CILP: variants seen among roughly 807,000 people sequenced by gnomAD.
The protein encoded by CILP is cartilage intermediate layer protein, also known as cartilage intermediate layer protein 1.
In CILP, 75 loss-of-function variants were observed where a neutral mutation model predicts 82.5. The observed-to-expected ratio is 0.91, with a 90% CI of 0.75 to 1.10. The LOEUF (loss-of-function observed/expected upper bound fraction) is 1.10. CILP is among the 50% of genes least tolerant of loss of function. The pLI is 0.00. For missense variants in CILP, 1,479 were observed against 1,530.8 expected, an observed-to-expected ratio of 0.97 and a Z score of 0.56; for synonymous variants, 530 against 580.3, an observed-to-expected ratio of 0.91 and a Z score of 1.25.
intron 3 of CILP, 56 bp from the exon 4 acceptor site, chr15:65,207,107 C>G (rs532841530): frequency 1.9e-6 from 3 of 1,565,838 alleles, no homozygotes. Context: ...CTCCAGTTCT[C>G]CTTTCCCTCT....
chr15:65,206,746 G>A (rs1361281417), intron 4 of CILP, 36 bp downstream of exon 4: 1 of 1,579,710 alleles, frequency 6.3e-7, no homozygotes, highest in East Asian at 2.3e-5. Context: ...AGGCCAGTGG[G>A]AAGTAGCGGG....
chr15:65,210,289 G>A (rs1260550445), intron 1 of CILP, among the ~76,000 whole-genome samples: 5 of 152,152 alleles, frequency 3.3e-5, no homozygotes, highest in Non-Finnish European at 5.9e-5. Flanking sequence ...ACTTGGCTCC[G>A]ACTCCAGTGG....
At position 65,198,787 on chromosome 15, in the gene CILP, T is replaced by A. The variant is rs187578293; in HGVS notation, c.1499A>T (p.Asp500Val). 6.2e-6 allele frequency: 10 copies of A among 1,614,210 alleles called. No individual in the cohort carries two copies. In the East Asian group the frequency reaches 1.6e-4, roughly 25 times the overall value. The change falls in exon 9 of 9, where the codon GAC becomes GTC. Residue 500 changes from aspartate to valine, a missense_variant. Coordinates refer to ENST00000261883, the MANE Select transcript of CILP (RefSeq NM_003613.4). The stretch of plus-strand genomic sequence containing the variant: ...GCCAAAGCGCATGGGCTCCCCATTG[T>A]CAGCAGCACTGACACGGCCCCGCAC... ...SIVRGRVSAA[D>V]NGEPMRFGHV...
intron 8 of CILP, among the ~76,000 whole-genome samples, chr15:65,199,593 T>C (rs772718896): frequency 6.6e-6 from 1 of 152,116 alleles, no homozygotes; most frequent in Non-Finnish European, 1.5e-5. Context: ...GAGGCCAAGG[T>C]GGGTGGGTTG....
At chr15:65,202,080 T>C in intron 7 of CILP, 51 bp from the exon 8 acceptor site, 1 of 1,439,112 alleles carries the variant, frequency 6.9e-7, no homozygotes. Flanking sequence ...AGGGCAGGTA[T>C]TCCTAGAAAA....
chr15:65,198,059 T>A lies in CILP; in HGVS notation c.2227A>T (p.Asn743Tyr), dbSNP rs768154426. The change falls in exon 9 of 9, where the codon AAC becomes TAC. Residue 743 changes from asparagine to tyrosine, a missense_variant. By Grantham distance (143) the Asn-to-Tyr change is moderately radical. Transcript: ENST00000261883. ...CGCCTGCTTTCAGGAACATCCAGGT[T>A]AAAGAGCCTCCTCTCACGAATCTCC... ...NLEIRERRLF[N>Y]LDVPESRRCF... The A allele has an allele frequency of 3.1e-6, 5 of 1,614,246 alleles. No individual in the cohort carries two copies. The highest frequency in any genetic ancestry group is 4.2e-6 in the Non-Finnish European group (5 of 1,180,044).
chr15:65,196,491 CA>C lies in CILP; in HGVS notation c.*239del. ...TACAGTTGAAGCTGCAGAGTTTTAC[CA>C]GTGGCCAATTTCTTGTGTTTCATTT... On this transcript the variant is annotated 3_prime_UTR_variant, in exon 9 of 9. Coordinates refer to ENST00000261883, the MANE Select transcript of CILP (RefSeq NM_003613.4). The C allele has an allele frequency of 2.4e-6, 1 of 424,746 alleles. No homozygotes were observed. The highest frequency in any genetic ancestry group is 7.3e-5 in the South Asian group (1 of 13,706). The allele number at this position is 424,746 out of a possible 1,614,324, so 26.3% of individuals were successfully genotyped here.
chr15:65,202,568 C>T (rs2088470978), intron 7 of CILP, among the ~76,000 whole-genome samples: 1 of 151,710 alleles, frequency 6.6e-6, no homozygotes, highest in Non-Finnish European at 1.5e-5. Flanking sequence ...GCTGGGATTA[C>T]AGGCATGCAC....
rs762356614 is a variant in CILP at position 65,195,174 on chromosome 15, A to G, written c.*1557T>C. On this transcript the variant is annotated 3_prime_UTR_variant, in exon 9 of 9. Coordinates refer to ENST00000261883, the MANE Select transcript of CILP (RefSeq NM_003613.4). ...GAAATTTCTAATTGCTTACAAACCA[A>G]ATTCCCAGGAGCCGGGCAGATGGTG... is the stretch of plus-strand genomic sequence containing the variant. 2.0e-5 allele frequency: 3 copies of G among 152,176 alleles called. No individual in the cohort carries two copies. Among genetic ancestry groups the G allele is most frequent in the Non-Finnish European group, 4.4e-5 (3 of 68,072 alleles). The allele number at this position is 152,176 out of a possible 1,614,324, so 9.4% of individuals were successfully genotyped here. A position where few individuals can be genotyped will look rare whatever the true frequency, so the allele number is the denominator to read the frequency against.
rs144293643 is a variant in CILP at position 65,198,331 on chromosome 15, A to G, written c.1955T>C (p.Phe652Ser). The change falls in exon 9 of 9, where the codon TTC becomes TCC. Residue 652 changes from phenylalanine to serine, a missense_variant. Transcript: ENST00000261883. ...LNFINDEGDT[F>S]PLRTYGMFSV... The stretch of plus-strand genomic sequence containing the variant: ...GAACATGCCATACGTCCGAAGGGGG[A>G]AAGTGTCTCCTTCGTCATTGATGAA... 1.2e-5 allele frequency: 19 copies of G among 1,614,060 alleles called. No individual in the cohort carries two copies. The African/African-American group carries it at 2.1e-4, about 18-fold the overall frequency.
In CILP at chr15:65,197,483, T is replaced by C; in HGVS notation, c.2803A>G (p.Met935Val). The change falls in exon 9 of 9, where the codon ATG becomes GTG. Residue 935 changes from methionine to valine, a missense_variant. Transcript: ENST00000261883. ...NTVPFNEDDP[M>V]SWTEDYLAWW... The stretch of plus-strand genomic sequence containing the variant: ...GCCAGATAGTCTTCAGTCCAGCTCA[T>C]AGGGTCATCTTCGTTGAAGGGGACT... The C allele has an allele frequency of 6.2e-7, 1 of 1,614,246 alleles. No individual in the cohort carries two copies. The highest frequency in any genetic ancestry group is 2.2e-5 in the East Asian group (1 of 44,886).
rs193195655 is a variant in CILP at position 65,203,415 on chromosome 15, G to A, written c.975C>T (p.Ser325=). The change falls in exon 7 of 9, where the codon AGC becomes AGT. Residue 325 remains serine, a synonymous_variant. Transcript: ENST00000261883. The part of the protein sequence containing the change: ...PETKARRAGQ[S]VSLCCKATGK... ...CTGTGGCCTTACAGCACAGAGACACGCTCTGCCCAGCTCTCCGTGCTTTTG... is the reference window on the plus strand; with the variant it reads ...CTGTGGCCTTACAGCACAGAGACACACTCTGCCCAGCTCTCCGTGCTTTTG... The A allele has an allele frequency of 5.5e-5, 89 of 1,612,934 alleles. No homozygotes were observed. Among genetic ancestry groups the A allele is most frequent in the Middle Eastern group, 1.9e-4 (1 of 5,174 alleles).
At chr15:65,202,088 A>G in intron 7 of CILP, 59 bp from the exon 8 acceptor site, 2 of 1,413,990 alleles carry the variant, frequency 1.4e-6, no homozygotes, top group East Asian at 2.7e-5. Flanking sequence ...TATTCCTAGA[A>G]AAGTGCCAGG....
intron 4 of CILP, 112 bp from the exon 5 acceptor site, chr15:65,205,578 C>T (rs886075309): frequency 2.9e-6 from 3 of 1,039,736 alleles, no homozygotes; most frequent in South Asian, 3.4e-5. Context: ...CCATTTATGT[C>T]GTAGATGTCA....
Position 65,204,545 on chromosome 15 carries a change from A to G in CILP, c.642T>C (p.Ala214=). ...CCTGGCACATGCAGGCATCACAGTCAGCATTCACCTGGCCCATTGGGCAGG... is the reference window on the plus strand; with the variant it reads ...CCTGGCACATGCAGGCATCACAGTCGGCATTCACCTGGCCCATTGGGCAGG... ...DLTCPMGQVN[A]DCDACMCQDF... is the part of the protein sequence containing the mutation. The change falls in exon 6 of 9, where the codon GCT becomes GCC. Residue 214 remains alanine (A), a synonymous_variant. Coordinates refer to ENST00000261883, the MANE Select transcript of CILP (RefSeq NM_003613.4). 2 of 1,612,174 alleles carry G rather than the reference A, an allele frequency of 1.2e-6. No homozygotes were observed. The highest frequency in any genetic ancestry group is 1.7e-6 in the Non-Finnish European group (2 of 1,179,512).
chr15:65,204,379 C>G lies in CILP; in HGVS notation c.808G>C (p.Asp270His), dbSNP rs550166598. ...GRFRIPGLCPDGKSILKITKV... is the reference protein window; with the variant it reads ...GRFRIPGLCPHGKSILKITKV... Reference sequence around the variant, plus strand: ...GTGATCTTCAGGATGCTTTTGCCATCAGGGCACAAGCCAGGGATTCGGAAT... The same window carrying G: ...GTGATCTTCAGGATGCTTTTGCCATGAGGGCACAAGCCAGGGATTCGGAAT... The change falls in exon 6 of 9, where the codon GAT becomes CAT. Residue 270 changes from aspartate (D) to histidine (H), a missense_variant. Asp to His is a moderately conservative substitution (Grantham distance 81). Coordinates refer to ENST00000261883, the MANE Select transcript of CILP (RefSeq NM_003613.4). 34 of 1,614,198 alleles carry G rather than the reference C, an allele frequency of 2.1e-5. No homozygotes were observed. The highest frequency in any genetic ancestry group is 3.3e-5 in the Admixed American group (2 of 60,022).
At position 65,198,909 on chromosome 15, in the gene CILP, C is replaced by T; in HGVS notation, c.1377G>A (p.Lys459=). ...TGCACTGGATCTCCCTTTCCTCTGT[C>T]TTGGAGATGCCACAGCAGTTCTGCA... is the stretch of plus-strand genomic sequence containing the variant. ...DAVQNCCGIS[K]TEEREIQCSG... is the part of the protein sequence containing the mutation. Residue 459 remains lysine (K), a synonymous_variant, in exon 9 of 9, where the codon AAG becomes AAA. Coordinates refer to ENST00000261883, the MANE Select transcript of CILP (RefSeq NM_003613.4). 1 of 1,614,126 alleles carries T rather than the reference C, an allele frequency of 6.2e-7. No individual in the cohort carries two copies. The highest frequency in any genetic ancestry group is 8.5e-7 in the Non-Finnish European group (1 of 1,180,034).
chr15:65,197,912 C>T lies in CILP; in HGVS notation c.2374G>A (p.Ala792Thr). ...ATGACACTGTCAAAGCGGCCCCAGG[C>T]CCTAGGGTTGGACAAGAAGCCAGTT... ...PRTGFLSNPR[A>T]WGRFDSVITG... The change falls in exon 9 of 9, where the codon GCC becomes ACC. Residue 792 changes from alanine (A) to threonine (T), a missense_variant. Ala to Thr is a moderately conservative substitution (Grantham distance 58). Transcript: ENST00000261883. The T allele has an allele frequency of 5.0e-6, 8 of 1,614,104 alleles. No individual in the cohort carries two copies. The highest frequency in any genetic ancestry group is 6.8e-6 in the Non-Finnish European group (8 of 1,180,018).
At position 65,197,117 on chromosome 15, in the gene CILP, C is replaced by G; in HGVS notation, c.3169G>C (p.Asp1057His). Residue 1057 changes from aspartate (D) to histidine (H), a missense_variant, in exon 9 of 9, where the codon GAC (aspartate) becomes CAC (histidine). Physicochemically the swap from Asp to His is moderately conservative, Grantham distance 81 (BLOSUM62 -1). Coordinates refer to ENST00000261883, the MANE Select transcript of CILP (RefSeq NM_003613.4). ...VNHLPLAVNN[D>H]TSEYTMLAPL... ...GCCAGCATGGTGTACTCACTGGTGT[C>G]GTTGTTGACTGCAAGTGGCAAGTGG... 1 of 1,613,898 alleles carries G rather than the reference C, an allele frequency of 6.2e-7. No homozygotes were observed. The highest frequency in any genetic ancestry group is 8.5e-7 in the Non-Finnish European group (1 of 1,179,886).
Sources: allele counts gnomAD v4.1 joint callset (sites outside exome capture counted in the v4.1 genomes callset), GRCh38; gene constraint gnomAD v4.1.1; transcripts MANE v1.5; gene names NCBI Gene and HGNC (gene_info 2026-07-23, HGNC 2026-07-21).